The following TICRR variants were observed in gnomAD, a reference collection of about 807,000 sequenced individuals.
TICRR encodes TOPBP1 interacting checkpoint and replication regulator.
TICRR carries 132 observed loss-of-function variants against 178.1 expected under a neutral mutation model. The observed-to-expected ratio is 0.74, with a 90% CI of 0.64 to 0.86. The LOEUF is 0.86. TICRR is among the 40% of genes least tolerant of loss of function. The pLI, the probability that TICRR is intolerant of heterozygous loss-of-function variation, is 0.00. For synonymous variants in TICRR, 991 were observed against 900.7 expected (o/e 1.10, Z -1.79); for missense variants, 2,587 against 2,334.3 (o/e 1.11, Z -2.23).
rs773620037 is a variant in TICRR, at chr15:89,576,024, G to T, written c.438G>T (p.Ala146=). 3.7e-6 allele frequency: 6 copies of T among 1,609,382 alleles called. No individual in the cohort carries two copies. Among genetic ancestry groups the T allele is most frequent in the East Asian group, 4.5e-5 (2 of 44,782 alleles). The change falls in exon 1 of 22, where the codon GCG becomes GCT. Residue 146 remains alanine, a synonymous_variant. Coordinates refer to ENST00000268138, the MANE Select transcript of TICRR (RefSeq NM_152259.4). ...GCGAGGCCAAGGAGGCCGAGGCCGC[G>T]CTCGGGGGCTTGGTGAACGCCGTCT... ...VESEAKEAEA[A]LGGLVNAVFL...
chr15:89,623,863 G>C lies in TICRR; in HGVS notation c.3553G>C (p.Gly1185Arg). 1 of 1,613,940 alleles carries C rather than the reference G, an allele frequency of 6.2e-7. No individual in the cohort carries two copies. The highest frequency in any genetic ancestry group is 8.5e-7 in the Non-Finnish European group (1 of 1,180,028). ...PQKRHTQAGE[G>R]TSLETKTPRT... ...AAAACGACATACCCAGGCAGGAGAA[G>C]GTACCTCTCTTGAAACGAAGACACC... The change falls in exon 20 of 22, where the codon GGT (glycine) becomes CGT (arginine). Residue 1185 changes from glycine (G) to arginine (R), a missense_variant. By Grantham distance (125) the Gly-to-Arg change is moderately radical. Coordinates refer to ENST00000268138, the MANE Select transcript of TICRR (RefSeq NM_152259.4).
At chr15:89,620,657 T>C (rs1418338632) in intron 18 of TICRR, among the ~76,000 whole-genome samples, 1 of 150,572 alleles carries the variant, frequency 6.6e-6, no homozygotes, top group African/African-American at 2.4e-5. Flanking sequence ...TTTTCCCGAG[T>C]TGCTCTCAAA....
Position 89,592,701 on chromosome 15 carries a change from A to T in TICRR, c.1541+525A>T, listed in dbSNP as rs554555644. 7.2e-4 allele frequency among the ~76,000 whole-genome samples: 110 copies of T among 152,368 alleles called. 1 individual carries two copies. Among genetic ancestry groups the T allele is most frequent in the Non-Finnish European group, 3.1e-4 (21 of 68,032 alleles). ...AGAAACAAAAGATGGTTCTTTGAAA[A>T]GCCAAATAAAATAATCTATAGCAAG... On this transcript the variant is annotated intron_variant, in intron 5 of 21. Transcript: ENST00000268138.
intron 14 of TICRR, among the ~76,000 whole-genome samples, chr15:89,607,381 T>G (rs547059678): frequency 4.9e-4 from 74 of 152,288 alleles, no homozygotes; most frequent in East Asian, 3.5e-3. Flanking sequence ...CTCCAGTGTT[T>G]AGGGGAATAA....
intron 18 of TICRR, 41 bp from the exon 19 acceptor site, chr15:89,621,352 T>C (rs769042145): frequency 6.3e-7 from 1 of 1,575,494 alleles, no homozygotes; most frequent in East Asian, 2.2e-5. Flanking sequence ...AGAACAGGAA[T>C]TGAGAAAGAA....
chr15:89,625,226 G>T lies in TICRR; in HGVS notation c.4916G>T (p.Gly1639Val). 1 of 1,613,706 alleles carries T rather than the reference G, an allele frequency of 6.2e-7. No homozygotes were observed. Among genetic ancestry groups the T allele is most frequent in the Non-Finnish European group, 8.5e-7 (1 of 1,179,842 alleles). ...CACAGCACACCTGGCAAGAGCAGGG[G>T]GCAAACCTACATCTGCCAGGCCTGT... The part of the protein sequence containing the change: ...LSHSTPGKSR[G>V]QTYICQACTP... The change falls in exon 20 of 22, where the codon GGG (glycine) becomes GTG (valine). Residue 1639 changes from glycine (G) to valine (V), a missense_variant. Coordinates refer to ENST00000268138, the MANE Select transcript of TICRR (RefSeq NM_152259.4).
Position 89,575,654 on chromosome 15 carries a change from T to C in TICRR, c.68T>C (p.Val23Ala), listed in dbSNP as rs1192014003. The C allele has an allele frequency of 1.3e-6, 2 of 1,570,760 alleles. No individual in the cohort carries two copies. Among genetic ancestry groups the C allele is most frequent in the Non-Finnish European group, 1.7e-6 (2 of 1,160,886 alleles). ...GGCGGCGCCGCCCGCCACAGCCGGG[T>C]CCGGCGGGCCGCCCTGCGCCTCCTC... ...TAGGAARHSRVRRAALRLLTY... is the reference protein window; with the variant it reads ...TAGGAARHSRARRAALRLLTY... The change falls in exon 1 of 22, where the codon GTC (valine) becomes GCC (alanine). Residue 23 changes from valine (V) to alanine (A), a missense_variant. Transcript: ENST00000268138.
intron 14 of TICRR, 100 bp downstream of exon 14, chr15:89,606,925 T>C (rs1157543686): frequency 1.1e-6 from 1 of 925,556 alleles, no homozygotes; most frequent in African/African-American, 1.6e-5. Context: ...AATTAAGGCT[T>C]TGTATGATTG....
At chr15:89,590,768 T>C (rs765264) in intron 4 of TICRR, among the ~76,000 whole-genome samples, 7,921 of 152,268 alleles carry the variant, frequency 0.052, 665 homozygotes, top group African/African-American at 0.17. Flanking sequence ...TTTCGAAGTA[T>C]GCATTGTATT....
intron 18 of TICRR, among the ~76,000 whole-genome samples, chr15:89,620,755 C>T (rs1047461651): frequency 6.6e-6 from 1 of 152,102 alleles, no homozygotes; most frequent in African/African-American, 2.4e-5. Context: ...TGGAGTCTCA[C>T]TCTGTTGCCC....
intron 15 of TICRR, among the ~76,000 whole-genome samples, chr15:89,610,472 G>A (rs1438878419): frequency 6.6e-6 from 1 of 152,052 alleles, no homozygotes; most frequent in Non-Finnish European, 1.5e-5. Flanking sequence ...TTTGTGTTTT[G>A]TAATCTTTCT....
rs146567050 is a variant in TICRR at position 89,623,073 on chromosome 15, C to T, written c.3313-550C>T. Among the ~76,000 whole-genome samples the T allele has an allele frequency of 1.2e-4, 19 of 152,328 alleles. No individual in the cohort carries two copies. The East Asian group carries it at 1.7e-3, about 14-fold the overall frequency. On this transcript the variant is annotated intron_variant, in intron 19 of 21. Coordinates refer to ENST00000268138, the MANE Select transcript of TICRR (RefSeq NM_152259.4). Reference sequence around the variant, plus strand: ...CCTTACCTGTTGGAGCTTTTCACTACGTATTTTTGCAAGAAGGCAGGGAAA... The same window carrying T: ...CCTTACCTGTTGGAGCTTTTCACTATGTATTTTTGCAAGAAGGCAGGGAAA...
chr15:89,592,149 C>T lies in TICRR; in HGVS notation c.1514C>T (p.Ala505Val). 4 of 1,611,856 alleles carry T rather than the reference C, an allele frequency of 2.5e-6. No homozygotes were observed. The highest frequency in any genetic ancestry group is 3.4e-6 in the Non-Finnish European group (4 of 1,178,180). Residue 505 changes from alanine to valine, a missense_variant, in exon 5 of 22, where the codon GCC (alanine) becomes GTC (valine). Coordinates refer to ENST00000268138, the MANE Select transcript of TICRR (RefSeq NM_152259.4). The stretch of plus-strand genomic sequence containing the variant: ...TTTCCTTTCTGTAACATCAGTGGTG[C>T]CAGTTCCGATTTGATGGAGTCATTT... ...KWFPFCNISG[A>V]SSDLMESFGL...
intron 8 of TICRR, among the ~76,000 whole-genome samples, chr15:89,600,358 C>T (rs1031140405): frequency 6.6e-6 from 1 of 152,142 alleles, no homozygotes; most frequent in South Asian, 2.1e-4. Flanking sequence ...TTTTAAGACA[C>T]TTTATTTAGG....
At chr15:89,594,686 T>A in intron 6 of TICRR, 132 bp downstream of exon 6, 1 of 691,730 alleles carries the variant, frequency 1.4e-6, no homozygotes, top group Non-Finnish European at 2.2e-6. Context: ...ATTTAAATTT[T>A]AAAATAATTA....
intron 14 of TICRR, 56 bp from the exon 15 acceptor site, chr15:89,608,747 T>C: frequency 6.8e-7 from 1 of 1,473,518 alleles, no homozygotes; most frequent in East Asian, 2.5e-5. Context: ...AGATACGGCA[T>C]TTATTGATGA....
At position 89,619,714 on chromosome 15, in the gene TICRR, GTC is replaced by G; in HGVS notation, c.3028_3029del (p.Leu1010GlufsTer12). ...TGTGGTTCTGATTTTACAGAAATAA[GTC>G]TGAGACGAAGTCCTCGAATCAAGCA... On this transcript the variant is annotated frameshift_variant, in exon 18 of 22. Transcript: ENST00000268138. LOFTEE classifies it high-confidence loss of function. 6.2e-7 allele frequency: 1 copy of G among 1,609,246 alleles called. No individual in the cohort carries two copies. The highest frequency in any genetic ancestry group is 2.2e-5 in the East Asian group (1 of 44,840).
chr15:89,598,547 A>T (rs1963038935), intron 7 of TICRR, among the ~76,000 whole-genome samples: 1 of 151,854 alleles, frequency 6.6e-6, no homozygotes, highest in Non-Finnish European at 1.5e-5. Context: ...TATTTTTAGT[A>T]GAGAAGAGGT....
chr15:89,577,368 C>T (rs1962642308), intron 1 of TICRR, among the ~76,000 whole-genome samples: 1 of 152,186 alleles, frequency 6.6e-6, no homozygotes, highest in Non-Finnish European at 1.5e-5. Flanking sequence ...CTTTTGCCTT[C>T]ATCCTTCTCA....
Sources: gnomAD v4.1 joint callset for allele counts (sites outside exome capture counted in the v4.1 genomes callset) on GRCh38, gnomAD v4.1.1 for gene constraint, MANE v1.5 for transcripts, NCBI Gene and HGNC (gene_info 2026-07-23, HGNC 2026-07-21) for gene names.